IST1: variants seen among roughly 807,000 people sequenced by gnomAD.
IST1 encodes the protein IST1 homolog.
A neutral mutation model predicts 37.0 loss-of-function variants in IST1; 23 were observed. The observed-to-expected ratio is 0.62, with a 90% CI of 0.45 to 0.88. IST1 has a LOEUF of 0.88. Ranked by LOEUF, IST1 falls within the 40% of genes least tolerant of loss-of-function variation. IST1 has a pLI of 0.00. For missense variants in IST1, 488 were observed against 445.4 expected (o/e 1.10, Z -0.86); for synonymous variants, 180 against 161.7 (o/e 1.11, Z -0.86).
chr16:71,917,813 T>G (rs1269844009), intron 4 of IST1, among the ~76,000 whole-genome samples: 1 of 152,238 alleles, frequency 6.6e-6, no homozygotes, highest in Non-Finnish European at 1.5e-5. Context: ...TTTTTATGGT[T>G]TGTTTCATGG....
Position 71,930,202 on chromosome 16 carries a change from C to G in IST1, c.*2389C>G, listed in dbSNP as rs370476870. On this transcript the variant is annotated 3_prime_UTR_variant, in exon 10 of 10. Transcript: ENST00000378799. Reference sequence around the variant, plus strand: ...CGAAAACCTGGGAAAACAATAAGAACACTTGCAGTGACTGACAATTTAGTT... The same window carrying G: ...CGAAAACCTGGGAAAACAATAAGAAGACTTGCAGTGACTGACAATTTAGTT... The G allele has an allele frequency of 4.2e-5, 64 of 1,528,364 alleles. 1 individual carries two copies. Among genetic ancestry groups the G allele is most frequent in the Admixed American group, 3.3e-4 (15 of 44,948 alleles). 94.7% of individuals were successfully genotyped at this position (1,528,364 alleles called of 1,614,324 possible).
At position 71,927,632 on chromosome 16, in the gene IST1, A is replaced by C. The variant is rs79258602; in HGVS notation, c.920A>C (p.Glu307Ala). The C allele has an allele frequency of 0.02, 32,579 of 1,613,732 alleles. 432 individuals are homozygous for C. Among genetic ancestry groups the C allele is most frequent in the Non-Finnish European group, 0.023 (27,071 of 1,179,642 alleles). Residue 307 changes from glutamate to alanine, a missense_variant, in exon 10 of 10, where the codon GAA (glutamate) becomes GCA (alanine). Physicochemically the swap from Glu to Ala is moderately radical, Grantham distance 107. Around this residue, in one of 2 missense-constraint regions of IST1, gnomAD observed 455 missense variants for 386.2 expected, o/e 1.18. Transcript: ENST00000378799. ...AQIVGPGPKP[E>A]ASAKLPSRPA... is the part of the protein sequence containing the mutation. ...TAATTAGGTCCTGGACCCAAGCCAG[A>C]AGCCTCTGCAAAGCTTCCTTCCAGA...
intron 1 of IST1, among the ~76,000 whole-genome samples, chr16:71,905,679 C>T (rs984233072): frequency 6.6e-6 from 1 of 152,290 alleles, no homozygotes; most frequent in Middle Eastern, 3.4e-3. Flanking sequence ...CGCACCCAGT[C>T]GAACTTGTTT....
rs1469216176 is a variant in IST1 at position 71,922,826 on chromosome 16, A to G, written c.759+146A>G. On this transcript the variant is annotated intron_variant, in intron 7 of 9. Coordinates refer to ENST00000378799, the MANE Select transcript of IST1 (RefSeq NM_001270975.2). ...TTAGCTGGCAGTCATCTTGTGGGGA[A>G]AAAACACATTGGATTCAGAGAAGGT... 2.5e-5 allele frequency: 17 copies of G among 672,932 alleles called. No homozygotes were observed. The South Asian group carries it at 3.2e-4, about 13-fold the overall frequency. The allele number at this position is 672,932 out of a possible 1,614,324, so 41.7% of individuals were successfully genotyped here.
At chr16:71,925,313 C>G (rs2037714979) in intron 9 of IST1, among the ~76,000 whole-genome samples, 1 of 132,866 alleles carries the variant, frequency 7.5e-6, no homozygotes, top group African/African-American at 3.0e-5. Context: ...CTGCCCCCAG[C>G]TGATTTTTTT....
At chr16:71,909,141 C>G (rs1006608128) in intron 1 of IST1, among the ~76,000 whole-genome samples, 1 of 145,286 alleles carries the variant, frequency 6.9e-6, no homozygotes, top group African/African-American at 2.5e-5. Flanking sequence ...CTCTGTCACC[C>G]AGGCCTGGAG....
chr16:71,921,381 C>T lies in IST1; in HGVS notation c.480C>T (p.Ile160=). The change falls in exon 6 of 10, where the codon ATC becomes ATT. Residue 160 remains isoleucine, a synonymous_variant. Transcript: ENST00000378799. ...TGAGTGTGGAAGCCCCACCCAAAAT[C>T]CTGGTGGAGAGATACCTGATTGAAA... ...HKLSVEAPPK[I]LVERYLIEIA... The T allele has an allele frequency of 6.2e-7, 1 of 1,613,510 alleles. No homozygotes were observed. Among genetic ancestry groups the T allele is most frequent in the Non-Finnish European group, 8.5e-7 (1 of 1,179,706 alleles).
intron 9 of IST1, among the ~76,000 whole-genome samples, chr16:71,927,297 A>G (rs1036875689): frequency 6.6e-6 from 1 of 151,762 alleles, no homozygotes; most frequent in Non-Finnish European, 1.5e-5. Context: ...TCAGAGTTCA[A>G]GGCCAACCTG....
chr16:71,926,332 A>G (rs536601777), intron 9 of IST1, among the ~76,000 whole-genome samples: 2 of 151,672 alleles, frequency 1.3e-5, no homozygotes, highest in African/African-American at 4.8e-5. Context: ...TACAATTTAC[A>G]TTTTAAAAAA....
intron 1 of IST1, among the ~76,000 whole-genome samples, chr16:71,900,637 T>C (rs1417989794): frequency 2.7e-5 from 4 of 148,428 alleles, no homozygotes; most frequent in African/African-American, 1.0e-4. Flanking sequence ...GTGACACTAA[T>C]AAAAATAATG....
At chr16:71,898,370 GA>G (rs57871135) in intron 1 of IST1, among the ~76,000 whole-genome samples, 95 of 100,846 alleles carry the variant, frequency 9.4e-4, no homozygotes, top group African/African-American at 2.3e-3. Flanking sequence ...CTCTCTCTCA[GA>G]AAAAAAAAAA....
intron 8 of IST1, chr16:71,924,019 A>C (rs1379353414): frequency 4.7e-6 from 2 of 428,172 alleles, no homozygotes; most frequent in Non-Finnish European, 9.3e-6. Flanking sequence ...TTGCTATGTA[A>C]ATTACTCATC....
chr16:71,903,024 G>A (rs1387174857), intron 1 of IST1: 1 of 152,132 alleles, frequency 6.6e-6, no homozygotes, highest in African/African-American at 2.4e-5. Context: ...GTCTTGCTCT[G>A]TTGTCCAGCC....
intron 1 of IST1, among the ~76,000 whole-genome samples, chr16:71,898,246 G>T (rs2037020315): frequency 6.6e-6 from 1 of 151,182 alleles, no homozygotes; most frequent in Non-Finnish European, 1.5e-5. Context: ...GTGTGGTGGT[G>T]GGCACCTGTA....
chr16:71,900,754 C>T (rs2037090097), intron 1 of IST1, among the ~76,000 whole-genome samples: 1 of 151,976 alleles, frequency 6.6e-6, no homozygotes, highest in African/African-American at 2.4e-5. Flanking sequence ...GTTATAATTG[C>T]TTACTTGTCT....
At position 71,921,450 on chromosome 16, in the gene IST1, C is replaced by T. The variant is rs759658946; in HGVS notation, c.549C>T (p.Val183=). ...TACCCTATGAACCTGACTCTGTGGT[C>T]ATGGTAAGTTTATCCCAGAATACAA... is the stretch of plus-strand genomic sequence containing the variant. ...YNVPYEPDSV[V]MAEAPPGVET... Residue 183 remains valine, a synonymous_variant, in exon 6 of 10, where the codon GTC becomes GTT. Transcript: ENST00000378799. The T allele has an allele frequency of 1.9e-6, 3 of 1,584,638 alleles. No homozygotes were observed. The highest frequency in any genetic ancestry group is 2.2e-5 in the South Asian group (2 of 90,374).
At position 71,924,840 on chromosome 16, in the gene IST1, C is replaced by T. The variant is rs756786829; in HGVS notation, c.901+23C>T. On this transcript the variant is annotated intron_variant, in intron 9 of 9. Coordinates refer to ENST00000378799, the MANE Select transcript of IST1 (RefSeq NM_001270975.2). ...TTGGTGAGTAGTATCAATCAGAAAC[C>T]TGCAGAGCTCAGTGCTGAACCCTCT... 5 of 1,536,560 alleles carry T rather than the reference C, an allele frequency of 3.3e-6. No individual in the cohort carries two copies. In the African/African-American group the frequency reaches 6.8e-5, roughly 21 times the overall value.
In IST1 at chr16:71,930,790, A is replaced by G. The variant is rs2037925417; in HGVS notation, c.*2977A>G. 6.6e-6 allele frequency: 1 copy of G among 152,130 alleles called. No individual in the cohort carries two copies. Among genetic ancestry groups the G allele is most frequent in the Admixed American group, 6.5e-5 (1 of 15,278 alleles). 9.4% of individuals were successfully genotyped at this position (152,130 alleles called of 1,614,324 possible). A position where few individuals can be genotyped will look rare whatever the true frequency, so the allele number is the denominator to read the frequency against. On this transcript the variant is annotated 3_prime_UTR_variant, in exon 10 of 10. Transcript: ENST00000378799. ...ACAAAAACTGTTGTTTAAAATTTAGATGTTCTTTTTCAACAAATGGTATTT... is the reference window on the plus strand; with the variant it reads ...ACAAAAACTGTTGTTTAAAATTTAGGTGTTCTTTTTCAACAAATGGTATTT...
rs113210012 is a variant in IST1 at position 71,916,634 on chromosome 16, G to C, written c.261G>C (p.Gln87His). 194 of 1,609,738 alleles carry C rather than the reference G, an allele frequency of 1.2e-4. 4 individuals carry two copies. The African/African-American group carries it at 1.9e-3, about 16-fold the overall frequency. The change falls in exon 3 of 10, where the codon CAG becomes CAC. Residue 87 changes from glutamine to histidine, a missense_variant. Transcript: ENST00000378799. The stretch of plus-strand genomic sequence containing the variant: ...TGCTGGCTCGGTTTGGCCTTATCCA[G>C]TCTATGAAGTAAGATATTTTGATTC... The part of the protein sequence containing the change: ...DLLLARFGLI[Q>H]SMKELDSGLA...
Sources: allele counts gnomAD v4.1 joint callset (sites outside exome capture counted in the v4.1 genomes callset), GRCh38; gene constraint gnomAD v4.1.1; regional missense constraint gnomAD v4.1.1; transcripts MANE v1.5; gene names NCBI Gene and HGNC (gene_info 2026-07-23, HGNC 2026-07-21).